Variants in NRG1 observed in about 807,000 individuals in gnomAD.
The protein encoded by NRG1 is pro-neuregulin-1, membrane-bound isoform.
NRG1 carries 18 observed loss-of-function variants against 63.8 expected under a neutral mutation model. The observed-to-expected ratio is 0.28, with a 90% CI of 0.19 to 0.42. NRG1 has a LOEUF of 0.42. Among genes scored for constraint, NRG1 ranks in the 10% least tolerant of loss-of-function variants. The pLI is 1.00. For synonymous variants in NRG1, 302 were observed against 301.3 expected, an observed-to-expected ratio of 1.00 and a Z score of -0.02; for missense variants, 762 against 814.7, an observed-to-expected ratio of 0.94 and a Z score of 0.79.
At chr8:32,284,952 T>C in intron 1 of NRG1, among the ~76,000 whole-genome samples, 1 of 152,188 alleles carries the variant, frequency 6.6e-6, no homozygotes, top group Non-Finnish European at 1.5e-5. Flanking sequence ...AGAATGCACT[T>C]GGTTTTGGTG....
intron 1 of NRG1, among the ~76,000 whole-genome samples, chr8:32,003,771 T>A (rs1813313176): frequency 6.6e-6 from 1 of 151,840 alleles, no homozygotes; most frequent in Non-Finnish European, 1.5e-5. Context: ...TTGCAAATTT[T>A]AGGACATAAA....
At chr8:31,729,509 C>T (rs1813801347) in intron 1 of NRG1, among the ~76,000 whole-genome samples, 1 of 151,994 alleles carries the variant, frequency 6.6e-6, no homozygotes, top group South Asian at 2.1e-4. Context: ...TCTAAATATA[C>T]CACTGAATGT....
intron 1 of NRG1, among the ~76,000 whole-genome samples, chr8:32,181,812 C>G (rs1057447071): frequency 6.6e-6 from 1 of 151,338 alleles, no homozygotes; most frequent in African/African-American, 2.4e-5. Flanking sequence ...ATCACCAGCA[C>G]AAAAATAAGT....
At chr8:32,144,906 TAATATAG>T (rs1836702358) in intron 1 of NRG1, among the ~76,000 whole-genome samples, 1 of 152,218 alleles carries the variant, frequency 6.6e-6, no homozygotes, top group Non-Finnish European at 1.5e-5. Flanking sequence ...GTTAATTTTT[TAATATAG>T]AATATGAAGT....
In NRG1 at chr8:31,977,036, C is replaced by T. The variant is rs1000288824; in HGVS notation, c.37+337605C>T. ...AGAGTGTTTGCATTAATCTCGACTA[C>T]ACTAATTCAGAGCATGAGCTCTTTG... On this transcript the variant is annotated intron_variant, in intron 1 of 10. Coordinates refer to the NRG1 transcript ENST00000519301. Among the ~76,000 whole-genome samples, 10 of 152,252 alleles carry T rather than the reference C, an allele frequency of 6.6e-5. No individual in the cohort carries two copies. The East Asian group carries it at 1.9e-3, about 29-fold the overall frequency.
chr8:31,962,771 TA>T (rs1179027072), intron 1 of NRG1, among the ~76,000 whole-genome samples: 2 of 152,192 alleles, frequency 1.3e-5, no homozygotes, highest in Non-Finnish European at 2.9e-5. Context: ...CCATTTCTCT[TA>T]TATTCAAACA....
chr8:31,856,500 A>T (rs1827888954), intron 1 of NRG1, among the ~76,000 whole-genome samples: 1 of 152,098 alleles, frequency 6.6e-6, no homozygotes, highest in Non-Finnish European at 1.5e-5. Context: ...TGGTTATTCT[A>T]GTTATACATT....
At chr8:31,663,333 A>G (rs1376997191) in intron 1 of NRG1, among the ~76,000 whole-genome samples, 2 of 152,194 alleles carry the variant, frequency 1.3e-5, no homozygotes, top group East Asian at 1.9e-4. Context: ...AATGATGCTT[A>G]TTATTCTATG....
intron 3 of NRG1, 58 bp downstream of exon 3, chr8:32,605,741 G>T (rs1342077349): frequency 1.3e-6 from 2 of 1,583,236 alleles, no homozygotes; most frequent in Admixed American, 1.7e-5. Flanking sequence ...ATCAAAACAT[G>T]TGGTAAGACT....
At chr8:31,778,931 G>C (rs922916946) in intron 1 of NRG1, among the ~76,000 whole-genome samples, 28 of 152,218 alleles carry the variant, frequency 1.8e-4, no homozygotes, top group African/African-American at 6.5e-4. Flanking sequence ...GAAGACACAT[G>C]TAACAGAAGT....
At chr8:32,032,120 C>A (rs1188926994) in intron 1 of NRG1, among the ~76,000 whole-genome samples, 1 of 152,104 alleles carries the variant, frequency 6.6e-6, no homozygotes, top group Non-Finnish European at 1.5e-5. Flanking sequence ...CCTGTCATTT[C>A]TTGACTTTTT....
At chr8:32,707,571 G>A (rs1816744058) in intron 5 of NRG1, among the ~76,000 whole-genome samples, 1 of 152,120 alleles carries the variant, frequency 6.6e-6, no homozygotes, top group Admixed American at 6.5e-5. Context: ...ATATGAGTGG[G>A]TTTCTGTATT....
intron 1 of NRG1, among the ~76,000 whole-genome samples, chr8:32,513,234 C>A (rs575781994): frequency 2.0e-5 from 3 of 150,452 alleles, no homozygotes; most frequent in Non-Finnish European, 4.4e-5. Flanking sequence ...TATAAAAAAT[C>A]TTTTTAGTCG....
At chr8:32,397,981 C>T (rs1426800749) in intron 1 of NRG1, among the ~76,000 whole-genome samples, 1 of 152,056 alleles carries the variant, frequency 6.6e-6, no homozygotes, top group Non-Finnish European at 1.5e-5. Context: ...TATCATTGTC[C>T]CTTCATTAGA....
chr8:31,998,451 TATGGAG>T (rs1274633767), intron 1 of NRG1, among the ~76,000 whole-genome samples: 2 of 152,018 alleles, frequency 1.3e-5, no homozygotes, highest in Admixed American at 1.3e-4. Flanking sequence ...ATTTCTTTAC[TATGGAG>T]AAATCAAGGA....
chr8:32,759,222 C>T (rs373509407), intron 9 of NRG1, 84 bp from the exon 10 acceptor site: 6 of 1,432,274 alleles, frequency 4.2e-6, no homozygotes, highest in East Asian at 2.3e-5. Context: ...ACAGTGTTAA[C>T]GTTTTTATTT....
intron 1 of NRG1, among the ~76,000 whole-genome samples, chr8:32,501,718 G>T (rs1259510309): frequency 4.6e-5 from 7 of 152,162 alleles, no homozygotes; most frequent in Admixed American, 4.6e-4. Context: ...TCAATCTTAA[G>T]AAAACTTGGT....
chr8:32,641,651 G>T (rs903161903), intron 5 of NRG1, among the ~76,000 whole-genome samples: 1 of 152,144 alleles, frequency 6.6e-6, no homozygotes, highest in Non-Finnish European at 1.5e-5. Context: ...AGAACAAAAT[G>T]TACCAGAGTA....
At chr8:32,297,656 T>C (rs1323327897) in intron 1 of NRG1, among the ~76,000 whole-genome samples, 6 of 152,166 alleles carry the variant, frequency 3.9e-5, no homozygotes. Context: ...CAGAGCGAAG[T>C]TGGGTCTTGA....
Sources: allele counts gnomAD v4.1 joint callset (sites outside exome capture counted in the v4.1 genomes callset), GRCh38; gene constraint gnomAD v4.1.1; transcripts MANE v1.5; gene names NCBI Gene and HGNC (gene_info 2026-07-23, HGNC 2026-07-21).